Variants in ENPP6 observed in about 807,000 individuals in gnomAD.
The protein encoded by ENPP6 is glycerophosphocholine cholinephosphodiesterase ENPP6.
ENPP6 carries 32 observed loss-of-function variants against 42.0 expected under a neutral mutation model. That is an observed-to-expected ratio of 0.76 (90% CI 0.58 to 1.02). ENPP6 has a LOEUF of 1.02. Among genes scored for constraint, ENPP6 ranks in the 50% least tolerant of loss-of-function variants. ENPP6 has a pLI of 0.00. For missense variants in ENPP6, 552 were observed against 566.8 expected (o/e 0.97, Z 0.27); for synonymous variants, 213 against 216.0 (o/e 0.99, Z 0.12).
intron 1 of ENPP6, among the ~76,000 whole-genome samples, chr4:184,185,369 C>G (rs772281702): frequency 2.3e-4 from 35 of 152,214 alleles, no homozygotes; most frequent in Non-Finnish European, 4.7e-4. Flanking sequence ...CCACGGGCAA[C>G]ATCTACAACC....
chr4:184,099,702 C>T (rs370418652), intron 6 of ENPP6, among the ~76,000 whole-genome samples: 33 of 152,322 alleles, frequency 2.2e-4, no homozygotes, highest in South Asian at 1.7e-3. Context: ...CCGCATCCCT[C>T]GTCCCTCCTT....
intron 7 of ENPP6, among the ~76,000 whole-genome samples, chr4:184,094,673 C>G (rs533662058): frequency 6.6e-6 from 1 of 152,374 alleles, no homozygotes; most frequent in African/African-American, 2.4e-5. Context: ...AGAGGTGTGT[C>G]TCTTACAGAG....
chr4:184,129,930 C>CT (rs5864875), intron 2 of ENPP6, among the ~76,000 whole-genome samples: 1 of 151,894 alleles, frequency 6.6e-6, no homozygotes, highest in East Asian at 1.9e-4. Flanking sequence ...GTTTGGCAGA[C>CT]TTTTTTTGGT....
chr4:184,121,785 ATCT>A (rs1196968264), intron 3 of ENPP6, among the ~76,000 whole-genome samples: 9 of 152,268 alleles, frequency 5.9e-5, no homozygotes, highest in African/African-American at 1.7e-4. Flanking sequence ...TAGACTGGAC[ATCT>A]TCTTCACTCA....
chr4:184,122,255 C>T (rs941092731), intron 3 of ENPP6, among the ~76,000 whole-genome samples: 5 of 152,178 alleles, frequency 3.3e-5, no homozygotes, highest in African/African-American at 1.2e-4. Context: ...TCTACATAGA[C>T]CACAATTTAA....
intron 2 of ENPP6, among the ~76,000 whole-genome samples, chr4:184,135,613 T>A (rs557828257): frequency 3.3e-5 from 5 of 152,368 alleles, no homozygotes; most frequent in Non-Finnish European, 7.3e-5. Flanking sequence ...ATATTAGTTT[T>A]TGGTTTTATC....
intron 6 of ENPP6, among the ~76,000 whole-genome samples, chr4:184,104,459 C>T (rs1311852679): frequency 6.6e-6 from 1 of 152,164 alleles, no homozygotes; most frequent in Admixed American, 6.5e-5. Flanking sequence ...GAAATCTTTC[C>T]CCATCCTACC....
rs184314348 is a variant in ENPP6, at chr4:184,110,151, G to A, written c.993+2521C>T. 3.0e-3 allele frequency among the ~76,000 whole-genome samples: 464 copies of A among 152,318 alleles called. 2 individuals are homozygous for A. Among genetic ancestry groups the A allele is most frequent in the African/African-American group, 0.011 (441 of 41,574 alleles). On this transcript the variant is annotated intron_variant, in intron 6 of 7. Transcript: ENST00000296741. ...CAGTCAGAATGGTGCAGAGGCTGCC[G>A]TTTGTTCTTGCTCTCCCCTCACCCC...
chr4:184,151,849 G>A (rs1737055849), intron 2 of ENPP6, among the ~76,000 whole-genome samples: 1 of 152,206 alleles, frequency 6.6e-6, no homozygotes, highest in African/African-American at 2.4e-5. Context: ...AGCCTGATGA[G>A]CCTGCTCCGT....
chr4:184,185,040 T>C (rs1732608590), intron 1 of ENPP6, among the ~76,000 whole-genome samples: 1 of 152,140 alleles, frequency 6.6e-6, no homozygotes, highest in African/African-American at 2.4e-5. Context: ...TGAGAGATAA[T>C]CAAAGAATTT....
intron 1 of ENPP6, among the ~76,000 whole-genome samples, chr4:184,209,420 C>T (rs1285104165): frequency 3.2e-4 from 49 of 151,348 alleles, no homozygotes; most frequent in Middle Eastern, 6.8e-3. Context: ...AACCAAGGCT[C>T]GAGAACTACG....
intron 1 of ENPP6, among the ~76,000 whole-genome samples, chr4:184,164,353 C>A (rs935310485): frequency 6.6e-6 from 1 of 152,178 alleles, no homozygotes; most frequent in Admixed American, 6.5e-5. Context: ...TTGAAATCCT[C>A]ACCCCAGGTA....
In ENPP6 at chr4:184,207,961, G is replaced by A. The variant is rs979079883; in HGVS notation, c.241+9618C>T. On this transcript the variant is annotated intron_variant, in intron 1 of 7. Transcript: ENST00000296741. Reference sequence around the variant, plus strand: ...CACGTGCGCATGCCTGTGTCTCTTCGCCTTCCTATACTGTCATATTGGAAT... The same window carrying A: ...CACGTGCGCATGCCTGTGTCTCTTCACCTTCCTATACTGTCATATTGGAAT... Among the ~76,000 whole-genome samples the A allele has an allele frequency of 9.2e-5, 14 of 152,148 alleles. No individual in the cohort carries two copies. In the East Asian group the frequency reaches 2.3e-3, roughly 25 times the overall value.
intron 6 of ENPP6, 148 bp from the exon 7 acceptor site, chr4:184,097,516 T>G (rs1735932812): frequency 2.5e-6 from 3 of 1,179,358 alleles, no homozygotes; most frequent in South Asian, 3.1e-5. Context: ...CTGCGGCACT[T>G]CCTGCTCCAG....
intron 1 of ENPP6, among the ~76,000 whole-genome samples, chr4:184,183,305 A>T (rs6842756): frequency 0.1 from 15,874 of 152,232 alleles, 1,070 homozygotes; most frequent in African/African-American, 0.2. Context: ...ATAGCTTTTA[A>T]TTTTAGATTG....
At chr4:184,112,606 T>G (rs954892510) in intron 6 of ENPP6, 66 bp downstream of exon 6, 147 of 1,530,248 alleles carry the variant, frequency 9.6e-5, no homozygotes, top group Non-Finnish European at 1.3e-4. Flanking sequence ...GAGTAACTAT[T>G]ATTTAACTTT....
chr4:184,153,805 A>G, intron 1 of ENPP6, 72 bp from the exon 2 acceptor site: 1 of 1,524,326 alleles, frequency 6.6e-7, no homozygotes, highest in Non-Finnish European at 8.9e-7. Context: ...TTTCTTGATC[A>G]TATAAGCCAT....
In ENPP6 at chr4:184,208,379, C is replaced by G. The variant is rs539623194; in HGVS notation, c.241+9200G>C. 2.6e-5 allele frequency among the ~76,000 whole-genome samples: 4 copies of G among 152,288 alleles called. No individual in the cohort carries two copies. In the South Asian group the frequency reaches 8.3e-4, roughly 32 times the overall value. ...GACAGTGGGCGCAGGTCAGTGGGTG[C>G]GCGCACCCTGCGCGAGCCGAAGCGG... is the stretch of plus-strand genomic sequence containing the variant. On this transcript the variant is annotated intron_variant, in intron 1 of 7. Coordinates refer to ENST00000296741, the MANE Select transcript of ENPP6 (RefSeq NM_153343.4).
intron 5 of ENPP6, among the ~76,000 whole-genome samples, chr4:184,113,859 ATC>A (rs1290229646): frequency 3.4e-5 from 5 of 148,338 alleles, no homozygotes; most frequent in African/African-American, 1.2e-4. Context: ...ATTTCTTTTT[ATC>A]TCTCTCTCTT....
Sources: allele counts gnomAD v4.1 joint callset (sites outside exome capture counted in the v4.1 genomes callset), GRCh38; gene constraint gnomAD v4.1.1; transcripts MANE v1.5; gene names NCBI Gene and HGNC (gene_info 2026-07-23, HGNC 2026-07-21).